Variants in TCTN2 observed in about 807,000 individuals in gnomAD.
The protein encoded by TCTN2 is tectonic family member 2, also known as tectonic-2.
TCTN2 carries 66 observed loss-of-function variants against 83.4 expected under a neutral mutation model. That is an observed-to-expected ratio of 0.79 (90% CI 0.65 to 0.97). The LOEUF is 0.97. Among genes scored for constraint, TCTN2 ranks in the 50% least tolerant of loss-of-function variants. The pLI is 0.00. For synonymous variants in TCTN2, 301 were observed against 326.7 expected (o/e 0.92, Z 0.85); for missense variants, 794 against 858.1 (o/e 0.93, Z 0.93).
intron 13 of TCTN2, among the ~76,000 whole-genome samples, chr12:123,697,887 G>T (rs112294719): frequency 0.021 from 3,143 of 150,384 alleles, 98 homozygotes; most frequent in African/African-American, 0.054. Flanking sequence ...TTGAGACAGG[G>T]TCTCACTGTG....
At chr12:123,688,276 C>T (rs1004599084) in intron 7 of TCTN2, 99 bp downstream of exon 7, 20 of 1,451,536 alleles carry the variant, frequency 1.4e-5, no homozygotes, top group South Asian at 7.2e-5. Context: ...AAGTGCAGTG[C>T]CAGATCTCGG....
At position 123,673,749 on chromosome 12, in the gene TCTN2, A is replaced by C. The variant is rs1490270173; in HGVS notation, c.402A>C (p.Ser134=). The C allele has an allele frequency of 6.2e-7, 1 of 1,614,108 alleles. No homozygotes were observed. Among genetic ancestry groups the C allele is most frequent in the African/African-American group, 1.3e-5 (1 of 74,916 alleles). The part of the protein sequence containing the change: ...LVSASHNSSC[S]AHLLIQVEIY... ...CAGCATCTCATAATTCATCCTGTTC[A>C]GCACATCTACTCATTCAAGTGGAAA... Residue 134 remains serine, a synonymous_variant, in exon 4 of 18, where the codon TCA becomes TCC. Transcript: ENST00000303372.
intron 15 of TCTN2, among the ~76,000 whole-genome samples, chr12:123,705,947 G>A (rs1956223736): frequency 6.6e-6 from 1 of 151,840 alleles, no homozygotes; most frequent in African/African-American, 2.4e-5. Context: ...GTAGAGATGG[G>A]GTTTCTCCAT....
At chr12:123,684,403 T>C (rs1955937817) in intron 5 of TCTN2, among the ~76,000 whole-genome samples, 1 of 151,148 alleles carries the variant, frequency 6.6e-6, no homozygotes, top group Non-Finnish European at 1.5e-5. Context: ...GTCATTCTTT[T>C]TTTTTTTTTT....
chr12:123,704,727 T>G (rs771766230), intron 15 of TCTN2, 39 bp downstream of exon 15: 2 of 1,610,184 alleles, frequency 1.2e-6, no homozygotes, highest in East Asian at 4.5e-5. Flanking sequence ...TTAGAGAGAG[T>G]CAGGAAAGTT....
At chr12:123,699,104 G>T (rs1007018321) in intron 13 of TCTN2, among the ~76,000 whole-genome samples, 1 of 152,004 alleles carries the variant, frequency 6.6e-6, no homozygotes, top group African/African-American at 2.4e-5. Flanking sequence ...TAAGTTTGGT[G>T]ACAGTCGGCA....
intron 5 of TCTN2, among the ~76,000 whole-genome samples, chr12:123,679,941 G>A (rs1412578354): frequency 7.3e-5 from 11 of 150,868 alleles, no homozygotes; most frequent in East Asian, 2.0e-4. Flanking sequence ...GGGTTTCACC[G>A]TGTTAGCCAG....
chr12:123,672,259 T>G, intron 3 of TCTN2, 127 bp downstream of exon 3: 1 of 911,916 alleles, frequency 1.1e-6, no homozygotes, highest in Non-Finnish European at 1.8e-6. Flanking sequence ...AATTGTGGGC[T>G]GTTGGATCTG....
At position 123,704,549 on chromosome 12, in the gene TCTN2, C is replaced by T; in HGVS notation, c.1630C>T (p.Pro544Ser). The T allele has an allele frequency of 6.2e-7, 1 of 1,612,536 alleles. No individual in the cohort carries two copies. The change falls in exon 15 of 18, where the codon CCA becomes TCA. Residue 544 changes from proline (P) to serine (S), a missense_variant. Coordinates refer to ENST00000303372, the MANE Select transcript of TCTN2 (RefSeq NM_024809.5). ...LEIIRVDAPD[P>S]GADPLASSVN... ...TTCTATAGGTGTAGATGCCCCTGAT[C>T]CAGGTGCAGACCCGCTGGCTAGCAG... is the stretch of plus-strand genomic sequence containing the variant.
chr12:123,683,637 G>T (rs1251242740), intron 5 of TCTN2, among the ~76,000 whole-genome samples: 1 of 151,254 alleles, frequency 6.6e-6, no homozygotes, highest in Non-Finnish European at 1.5e-5. Context: ...AAGCACTGAA[G>T]CACATTTAAA....
intron 4 of TCTN2, among the ~76,000 whole-genome samples, chr12:123,677,966 G>T (rs140370196): frequency 7.9e-5 from 12 of 152,278 alleles, no homozygotes; most frequent in Non-Finnish European, 1.5e-4. Flanking sequence ...CAGGCTCAGC[G>T]CATTCTCTCT....
At chr12:123,675,381 C>T (rs1047511647) in intron 4 of TCTN2, among the ~76,000 whole-genome samples, 4 of 152,238 alleles carry the variant, frequency 2.6e-5, no homozygotes, top group East Asian at 3.9e-4. Context: ...CGGTGGCGAA[C>T]TCTGACATCT....
chr12:123,676,590 AAG>A (rs1955825804), intron 4 of TCTN2, among the ~76,000 whole-genome samples: 1 of 151,026 alleles, frequency 6.6e-6, no homozygotes, highest in African/African-American at 2.4e-5. Flanking sequence ...AAAAAAAAAA[AAG>A]GAAAATATGC....
intron 5 of TCTN2, among the ~76,000 whole-genome samples, chr12:123,683,227 AAATAAT>A (rs1307075486): frequency 2.0e-5 from 3 of 151,886 alleles, no homozygotes; most frequent in Non-Finnish European, 2.9e-5. Context: ...CATCTCAAAA[AAATAAT>A]AATAATAATT....
At chr12:123,700,396 A>G (rs1005285659) in intron 14 of TCTN2, among the ~76,000 whole-genome samples, 1 of 152,032 alleles carries the variant, frequency 6.6e-6, no homozygotes, top group Non-Finnish European at 1.5e-5. Flanking sequence ...TGGGAGGTCA[A>G]TGCAAGAGGA....
Position 123,708,147 on chromosome 12 carries a change from G to A in TCTN2, c.*434G>A. On this transcript the variant is annotated 3_prime_UTR_variant, in exon 18 of 18. Transcript: ENST00000303372. ...CTCTGGTGTAGCTGGGACCACAGAT[G>A]CTCCACCATGCCTGGCTGTATTTTT... is the stretch of plus-strand genomic sequence containing the variant. 1 of 196,880 alleles carries A rather than the reference G, an allele frequency of 5.1e-6. No homozygotes were observed. 12.2% of individuals were successfully genotyped at this position (196,880 alleles called of 1,614,324 possible).
intron 4 of TCTN2, among the ~76,000 whole-genome samples, chr12:123,677,123 G>A (rs1468333908): frequency 1.3e-5 from 2 of 152,126 alleles, no homozygotes; most frequent in Admixed American, 1.3e-4. Flanking sequence ...AGGCTGCAGT[G>A]AGCTGTGATT....
chr12:123,701,346 A>C (rs1956169672), intron 14 of TCTN2, among the ~76,000 whole-genome samples: 1 of 152,186 alleles, frequency 6.6e-6, no homozygotes, highest in Non-Finnish European at 1.5e-5. Context: ...CAGCTTTGTG[A>C]CTATACCAGA....
At position 123,671,143 on chromosome 12, in the gene TCTN2, G is replaced by A; in HGVS notation, c.-98G>A. On this transcript the variant is annotated 5_prime_UTR_variant, in exon 1 of 18. Coordinates refer to ENST00000303372, the MANE Select transcript of TCTN2 (RefSeq NM_024809.5). ...TCCGGGCGTTCGCTTGCAAGATGGC[G>A]GCGGCGGGGCAGTGGCTGCTGCGTT... The A allele has an allele frequency of 3.3e-6, 4 of 1,204,172 alleles. No homozygotes were observed. Among genetic ancestry groups the A allele is most frequent in the Non-Finnish European group, 2.4e-6 (2 of 840,872 alleles). 74.6% of individuals were successfully genotyped at this position (1,204,172 alleles called of 1,614,324 possible).
Sources: allele counts gnomAD v4.1 joint callset (sites outside exome capture counted in the v4.1 genomes callset), GRCh38; gene constraint gnomAD v4.1.1; transcripts MANE v1.5; gene names NCBI Gene and HGNC (gene_info 2026-07-23, HGNC 2026-07-21).